The following CHKA variants were observed in gnomAD, a reference collection of about 807,000 sequenced individuals.
CHKA encodes CHETK-alpha.
In CHKA, 34 loss-of-function variants were observed where a neutral mutation model predicts 60.1. The ratio of observed to expected loss-of-function variants is 0.57; its 90% confidence interval spans 0.43 to 0.75. CHKA has a LOEUF of 0.75. Ranked by LOEUF, CHKA falls within the 30% of genes least tolerant of loss-of-function variation. The pLI is 0.00. For missense variants in CHKA, 563 were observed against 561.3 expected (o/e 1.00, Z -0.03); for synonymous variants, 217 against 223.1 (o/e 0.97, Z 0.24).
At chr11:68,088,509 G>T (rs2134628707) in intron 2 of CHKA, among the ~76,000 whole-genome samples, 1 of 152,214 alleles carries the variant, frequency 6.6e-6, no homozygotes, top group Non-Finnish European at 1.5e-5. Flanking sequence ...TGTTGATGAT[G>T]AAGCTATGTT....
At chr11:68,060,068 C>T (rs1243506671) in intron 11 of CHKA, among the ~76,000 whole-genome samples, 1 of 139,224 alleles carries the variant, frequency 7.2e-6, no homozygotes, top group East Asian at 2.1e-4. Context: ...GCTCTGTCGC[C>T]CAGGCTGGAG....
chr11:68,078,146 C>T lies in CHKA; in HGVS notation c.516+3258G>A, dbSNP rs146684223. Among the ~76,000 whole-genome samples the T allele has an allele frequency of 5.2e-3, 795 of 152,270 alleles. 2 individuals are homozygous for T. Among genetic ancestry groups the T allele is most frequent in the African/African-American group, 0.015 (604 of 41,542 alleles). On this transcript the variant is annotated intron_variant, in intron 3 of 11. Transcript: ENST00000265689. ...AAGAAAGCTTTCTACAGGGCACCCT[C>T]GCATACACCCCCAAAACAAACACTA...
chr11:68,072,270 C>A (rs538181964), intron 4 of CHKA, among the ~76,000 whole-genome samples: 41 of 152,142 alleles, frequency 2.7e-4, no homozygotes, highest in African/African-American at 9.9e-4. Context: ...CTAAGCCAGG[C>A]GTGGTGGCTC....
intron 2 of CHKA, among the ~76,000 whole-genome samples, chr11:68,083,060 G>A (rs541336745): frequency 1.9e-4 from 29 of 152,256 alleles, no homozygotes; most frequent in African/African-American, 6.7e-4. Flanking sequence ...TTTGCGGGTC[G>A]CCTCTTCCAA....
rs1166789270 is a variant in CHKA, at chr11:68,066,417, G to A, written c.1016+12C>T. 1.9e-6 allele frequency: 3 copies of A among 1,583,322 alleles called. No individual in the cohort carries two copies. The highest frequency in any genetic ancestry group is 2.6e-6 in the Non-Finnish European group (3 of 1,152,126). On this transcript the variant is annotated intron_variant, in intron 8 of 11. Transcript: ENST00000265689. Reference sequence around the variant, plus strand: ...AATATTGAGATGGAAACACTGGACTGTAACACAGTACCTGTAATTGTAACT... The same window carrying A: ...AATATTGAGATGGAAACACTGGACTATAACACAGTACCTGTAATTGTAACT...
chr11:68,086,419 C>A (rs1277242540), intron 2 of CHKA, among the ~76,000 whole-genome samples: 1 of 152,166 alleles, frequency 6.6e-6, no homozygotes, highest in East Asian at 1.9e-4. Flanking sequence ...TTTTAGGATT[C>A]AAAAACCTAC....
Position 68,112,687 on chromosome 11 carries a change from G to A in CHKA, c.350+8141C>T, listed in dbSNP as rs60148330. Among the ~76,000 whole-genome samples the A allele has an allele frequency of 3.6e-3, 544 of 152,126 alleles. 5 individuals carry two copies. Among genetic ancestry groups the A allele is most frequent in the African/African-American group, 0.013 (524 of 41,522 alleles). On this transcript the variant is annotated intron_variant, in intron 1 of 11. Coordinates refer to ENST00000265689, the MANE Select transcript of CHKA (RefSeq NM_001277.3). ...AAGAGAATGAAAAGTCACAAACAAG[G>A]AAAAAATATTTGCAAAAGACACATT...
At chr11:68,118,302 A>C (rs897436343) in intron 1 of CHKA, among the ~76,000 whole-genome samples, 5 of 152,098 alleles carry the variant, frequency 3.3e-5, no homozygotes, top group African/African-American at 1.2e-4. Context: ...TTAGCCAGTA[A>C]TGGTGGTGCG....
intron 2 of CHKA, among the ~76,000 whole-genome samples, chr11:68,086,271 G>A (rs760570449): frequency 3.9e-5 from 6 of 151,974 alleles, no homozygotes; most frequent in Non-Finnish European, 7.4e-5. Context: ...CCAAGATCGC[G>A]CCACTGCACC....
At chr11:68,112,953 C>T (rs1223116297) in intron 1 of CHKA, among the ~76,000 whole-genome samples, 1 of 151,144 alleles carries the variant, frequency 6.6e-6, no homozygotes, top group South Asian at 2.1e-4. Context: ...GTGGTGGCAG[C>T]CGCCTGTAGT....
At chr11:68,096,903 C>T in intron 2 of CHKA, 116 bp downstream of exon 2, 1 of 640,012 alleles carries the variant, frequency 1.6e-6, no homozygotes, top group Non-Finnish European at 2.6e-6. Flanking sequence ...GCAATATACT[C>T]AAATATCTTT....
intron 2 of CHKA, among the ~76,000 whole-genome samples, chr11:68,093,751 G>A (rs1318168472): frequency 2.0e-5 from 3 of 152,188 alleles, no homozygotes; most frequent in Non-Finnish European, 2.9e-5. Context: ...GCTGCAGCTG[G>A]CTTTTACTAA....
intron 10 of CHKA, among the ~76,000 whole-genome samples, chr11:68,063,631 G>T (rs554569157): frequency 1.8e-4 from 27 of 152,118 alleles, no homozygotes; most frequent in Non-Finnish European, 3.5e-4. Flanking sequence ...GATATGGTTT[G>T]GCTCTGTCTC....
chr11:68,098,688 TTTTA>T (rs1222657279), intron 1 of CHKA, among the ~76,000 whole-genome samples: 6 of 152,140 alleles, frequency 3.9e-5, no homozygotes, highest in Non-Finnish European at 7.3e-5. Flanking sequence ...TTTTACTTGA[TTTTA>T]TTTATTTATT....
Position 68,120,930 on chromosome 11 carries a change from G to C in CHKA, c.248C>G (p.Pro83Arg), listed in dbSNP as rs765039402. ...PPPQPPADEQ[P>R]EPRTRRRAYL... ...GGCCCTGCGCCGCGTCCGGGGCTCC[G>C]GCTGCTCGTCTGCGGGCGGCTGCGG... Residue 83 changes from proline (P) to arginine (R), a missense_variant, in exon 1 of 12, where the codon CCG becomes CGG. Physicochemically the swap from Pro to Arg is moderately radical, Grantham distance 103 (BLOSUM62 -2). Coordinates refer to ENST00000265689, the MANE Select transcript of CHKA (RefSeq NM_001277.3). 1.7e-6 allele frequency: 2 copies of C among 1,198,002 alleles called. No individual in the cohort carries two copies. The highest frequency in any genetic ancestry group is 2.1e-6 in the Non-Finnish European group (2 of 958,540). The allele number at this position is 1,198,002 out of a possible 1,614,324, so 74.2% of individuals were successfully genotyped here.
intron 11 of CHKA, chr11:68,061,671 A>G: frequency 1.9e-6 from 1 of 513,460 alleles, no homozygotes; most frequent in Non-Finnish European, 3.8e-6. Flanking sequence ...CCCCATCAGG[A>G]TTGCAGGCAC....
In CHKA at chr11:68,121,153, C is replaced by A; in HGVS notation, c.25G>T (p.Gly9Cys). Reference protein sequence around the residue: MKTKFCTGGEAEPSPLGLL... With the variant: MKTKFCTGCEAEPSPLGLL... ...CCGAGCGGCGAGGGCTCCGCCTCGCCCCCGGTGCAGAATTTGGTTTTCATG... is the reference window on the plus strand; with the variant it reads ...CCGAGCGGCGAGGGCTCCGCCTCGCACCCGGTGCAGAATTTGGTTTTCATG... The change falls in exon 1 of 12, where the codon GGC becomes TGC. Residue 9 changes from glycine to cysteine, a missense_variant. Physicochemically the swap from Gly to Cys is radical, Grantham distance 159 (BLOSUM62 -3). Coordinates refer to ENST00000265689, the MANE Select transcript of CHKA (RefSeq NM_001277.3). The A allele has an allele frequency of 8.3e-7, 1 of 1,208,594 alleles. No homozygotes were observed. Among genetic ancestry groups the A allele is most frequent in the South Asian group, 2.1e-5 (1 of 48,130 alleles). The allele number at this position is 1,208,594 out of a possible 1,614,324, so 74.9% of individuals were successfully genotyped here.
intron 6 of CHKA, among the ~76,000 whole-genome samples, chr11:68,069,561 G>A (rs973368449): frequency 6.6e-6 from 1 of 152,080 alleles, no homozygotes; most frequent in Non-Finnish European, 1.5e-5. Context: ...GCGCATGCCT[G>A]TAGTTCCAGC....
chr11:68,077,538 G>A (rs945793650), intron 3 of CHKA, among the ~76,000 whole-genome samples: 3 of 152,172 alleles, frequency 2.0e-5, no homozygotes, highest in African/African-American at 7.2e-5. Context: ...TTGGGCTTCA[G>A]AAATAAAGAC....
Sources: gnomAD v4.1 joint callset for allele counts (sites outside exome capture counted in the v4.1 genomes callset) on GRCh38, gnomAD v4.1.1 for gene constraint, MANE v1.5 for transcripts, NCBI Gene and HGNC (gene_info 2026-07-23, HGNC 2026-07-21) for gene names.